Variants in XRN2 observed in about 807,000 individuals in gnomAD.
XRN2 encodes the protein DHM1-like protein.
Under a neutral mutation model 138.5 loss-of-function variants are expected in XRN2, and 44 were observed. The observed-to-expected ratio is 0.32, with a 90% CI of 0.25 to 0.41. The LOEUF is 0.41. Ranked by LOEUF, XRN2 falls within the 10% of genes least tolerant of loss-of-function variation. The probability of loss-of-function intolerance (pLI) is 1.00; values close to 1 mark genes in which losing one functional copy is unlikely to be tolerated. For synonymous variants in XRN2, 354 were observed against 369.4 expected (o/e 0.96, Z 0.48); for missense variants, 937 against 1,169.3 (o/e 0.80, Z 2.90).
At chr20:21,383,281 T>G (rs1198807990) in intron 28 of XRN2, among the ~76,000 whole-genome samples, 2 of 151,476 alleles carry the variant, frequency 1.3e-5, no homozygotes, top group African/African-American at 2.5e-5. Flanking sequence ...AAGCAGAAAT[T>G]AAGTAAGTAA....
chr20:21,331,429 A>C (rs1269015274), intron 6 of XRN2, 132 bp from the exon 7 acceptor site: 2 of 718,826 alleles, frequency 2.8e-6, no homozygotes, highest in Non-Finnish European at 4.8e-6. Context: ...ACACACACAC[A>C]CACACACACC....
chr20:21,373,967 T>A (rs1404486178), intron 27 of XRN2, among the ~76,000 whole-genome samples: 2 of 152,220 alleles, frequency 1.3e-5, no homozygotes, highest in African/African-American at 4.8e-5. Context: ...ATGCCAGCAT[T>A]TAGGGAATGT....
intron 16 of XRN2, 121 bp from the exon 17 acceptor site, chr20:21,346,294 G>C: frequency 7.8e-7 from 1 of 1,286,670 alleles, no homozygotes; most frequent in South Asian, 1.4e-5. Flanking sequence ...TAGCATGACT[G>C]TTTAACTCTT....
At chr20:21,353,102 A>G (rs1447089002) in intron 20 of XRN2, among the ~76,000 whole-genome samples, 1 of 149,014 alleles carries the variant, frequency 6.7e-6, no homozygotes, top group East Asian at 1.9e-4. Flanking sequence ...GATATTGTAG[A>G]AAAGTCTTAT....
chr20:21,367,583 C>G (rs752269998), intron 26 of XRN2, among the ~76,000 whole-genome samples: 2 of 151,752 alleles, frequency 1.3e-5, no homozygotes, highest in African/African-American at 2.4e-5. Context: ...GCCTCCATTT[C>G]CTTATGTCTG....
chr20:21,348,270 A>G lies in XRN2; in HGVS notation c.1773+17A>G. 1 of 1,611,956 alleles carries G rather than the reference A, an allele frequency of 6.2e-7. No individual in the cohort carries two copies. ...ACGAAACCGGTAAGCTTAATTACTT[A>G]AAGTCATAAAGTTTATAGAATTCTG... On this transcript the variant is annotated intron_variant, in intron 18 of 29. Transcript: ENST00000377191.
At chr20:21,340,168 G>T (rs1237026480) in intron 14 of XRN2, among the ~76,000 whole-genome samples, 1 of 152,116 alleles carries the variant, frequency 6.6e-6, no homozygotes, top group Non-Finnish European at 1.5e-5. Flanking sequence ...GGTGACGTGT[G>T]CCTGTAATCC....
At chr20:21,317,384 C>T (rs1296406732) in intron 1 of XRN2, among the ~76,000 whole-genome samples, 2 of 151,918 alleles carry the variant, frequency 1.3e-5, no homozygotes, top group Non-Finnish European at 2.9e-5. Context: ...GCTTTGCAAT[C>T]TGTTAATATG....
At chr20:21,337,524 G>C (rs2038312641) in intron 13 of XRN2, among the ~76,000 whole-genome samples, 1 of 152,116 alleles carries the variant, frequency 6.6e-6, no homozygotes, top group Non-Finnish European at 1.5e-5. Context: ...TCTGGTTGGG[G>C]AGTCATCAGC....
At chr20:21,347,196 T>C (rs1176611094) in intron 17 of XRN2, among the ~76,000 whole-genome samples, 3 of 152,200 alleles carry the variant, frequency 2.0e-5, no homozygotes, top group African/African-American at 7.2e-5. Flanking sequence ...TGACAGTCAC[T>C]GAATGACTGA....
At position 21,370,025 on chromosome 20, in the gene XRN2, A is replaced by AT. The variant is rs1350990071; in HGVS notation, c.2584+1441dup. On this transcript the variant is annotated intron_variant, in intron 27 of 29. Transcript: ENST00000377191. ...TAAGTCTTTAAACTATTTTTATTTGATTTTTTATATGATGAGAGATAAATT... is the reference window on the plus strand; with the variant it reads ...TAAGTCTTTAAACTATTTTTATTTGATTTTTTTATATGATGAGAGATAAATT... 3.9e-5 allele frequency among the ~76,000 whole-genome samples: 6 copies of AT among 152,160 alleles called. No individual in the cohort carries two copies. The East Asian group carries it at 7.7e-4, about 20-fold the overall frequency.
chr20:21,383,326 CTCTA>C (rs751957479), intron 28 of XRN2, among the ~76,000 whole-genome samples: 11 of 152,156 alleles, frequency 7.2e-5, no homozygotes, highest in Non-Finnish European at 1.5e-4. Context: ...TACTTGGTTT[CTCTA>C]TCTTATTGCT....
At chr20:21,305,363 ATTC>A (rs1484164956) in intron 1 of XRN2, among the ~76,000 whole-genome samples, 1 of 152,208 alleles carries the variant, frequency 6.6e-6, no homozygotes, top group East Asian at 1.9e-4. Context: ...GGTTCAAGCC[ATTC>A]TTCTGCCACA....
intron 26 of XRN2, among the ~76,000 whole-genome samples, chr20:21,368,009 G>A (rs1465114292): frequency 2.0e-5 from 3 of 152,084 alleles, no homozygotes; most frequent in Admixed American, 6.6e-5. Flanking sequence ...TAAAGTATAA[G>A]ACATCAACAT....
At position 21,365,417 on chromosome 20, in the gene XRN2, C is replaced by A; in HGVS notation, c.2256-4C>A. Reference sequence around the variant, plus strand: ...TCATTGAATTGTTTCTTGTTCTTTTCCAGTATTAATTTTAAAGACCCACAG... The same window carrying A: ...TCATTGAATTGTTTCTTGTTCTTTTACAGTATTAATTTTAAAGACCCACAG... On this transcript the variant is annotated splice_region_variant and splice_polypyrimidine_tract_variant and intron_variant, in intron 24 of 29. Coordinates refer to ENST00000377191, the MANE Select transcript of XRN2 (RefSeq NM_012255.5). 1 of 1,611,674 alleles carries A rather than the reference C, an allele frequency of 6.2e-7. No individual in the cohort carries two copies. Among genetic ancestry groups the A allele is most frequent in the Non-Finnish European group, 8.5e-7 (1 of 1,179,178 alleles).
At chr20:21,379,896 GT>G (rs1227172991) in intron 27 of XRN2, among the ~76,000 whole-genome samples, 2 of 152,102 alleles carry the variant, frequency 1.3e-5, no homozygotes, top group Non-Finnish European at 2.9e-5. Context: ...AAATATACAA[GT>G]TTTTTTCCCA....
intron 1 of XRN2, among the ~76,000 whole-genome samples, chr20:21,305,334 T>C (rs2037800879): frequency 1.3e-5 from 2 of 152,136 alleles, no homozygotes; most frequent in Admixed American, 6.5e-5. Flanking sequence ...CTCGGCTCAC[T>C]ACAACCTCTG....
chr20:21,356,648 A>T lies in XRN2; in HGVS notation c.2181A>T (p.Glu727Asp). 1 of 1,613,666 alleles carries T rather than the reference A, an allele frequency of 6.2e-7. No homozygotes were observed. Among genetic ancestry groups the T allele is most frequent in the Non-Finnish European group, 8.5e-7 (1 of 1,179,676 alleles). Residue 727 changes from glutamate to aspartate, a missense_variant, in exon 23 of 30, where the codon GAA becomes GAT. Around this residue, in one of 6 missense-constraint regions of XRN2, gnomAD observed 372 missense variants for 414.4 expected, o/e 0.90. Transcript: ENST00000377191. ...AAGGAAAGTTTTCTTTGGATGAAGA[A>T]GCCATTCTTCCAGATCAGTAAGTTT... ...GIQGKFSLDE[E>D]AILPDQIVCS...
intron 26 of XRN2, 139 bp from the exon 27 acceptor site, chr20:21,368,324 C>T (rs2038725249): frequency 1.0e-6 from 1 of 1,003,210 alleles, no homozygotes; most frequent in Non-Finnish European, 1.4e-6. Flanking sequence ...TAATTATAAA[C>T]CACCTTTTTG....
Sources: gnomAD v4.1 joint callset for allele counts (sites outside exome capture counted in the v4.1 genomes callset) on GRCh38, gnomAD v4.1.1 for gene constraint, gnomAD v4.1.1 regional missense constraint, MANE v1.5 for transcripts, NCBI Gene and HGNC (gene_info 2026-07-23, HGNC 2026-07-21) for gene names.